The following ELL2 variants were observed in gnomAD, a reference collection of about 807,000 sequenced individuals.
The protein encoded by ELL2 is RNA polymerase II elongation factor ELL2.
In ELL2, 21 loss-of-function variants were observed where a neutral mutation model predicts 72.8. The ratio of observed to expected loss-of-function variants is 0.29; its 90% CI spans 0.20 to 0.42. The LOEUF (loss-of-function observed/expected upper bound fraction) is 0.42. Among genes scored for constraint, ELL2 ranks in the 10% least tolerant of loss-of-function variants. The pLI is 1.00. For synonymous variants in ELL2, 266 were observed against 283.2 expected (o/e 0.94, Z 0.61); for missense variants, 568 against 772.8 (o/e 0.73, Z 3.14).
At chr5:95,960,377 A>G (rs1318085066) in intron 1 of ELL2, among the ~76,000 whole-genome samples, 3 of 147,852 alleles carry the variant, frequency 2.0e-5, no homozygotes, top group African/African-American at 5.0e-5. Context: ...CTGTTTCCCC[A>G]TGCACCCTGG....
rs199699795 is a variant in ELL2, at chr5:95,888,996, GAA to G, written c.1807-11_1807-10del. The G allele has an allele frequency of 0.055, 64,791 of 1,171,254 alleles. 101 individuals carry two copies. Among genetic ancestry groups the G allele is most frequent in the Admixed American group, 0.12 (3,724 of 31,368 alleles). 72.6% of individuals were successfully genotyped at this position (1,171,254 alleles called of 1,614,324 possible). On this transcript the variant is annotated splice_polypyrimidine_tract_variant and intron_variant, in intron 11 of 11. Transcript: ENST00000237853. ...TGGTAATTGGGACTAGACTGCAGAT[GAA>G]AAAAAAAAAAAAAAAAGAGGAATGA...
At position 95,886,544 on chromosome 5, in the gene ELL2, G is replaced by T. The variant is rs1385865390; in HGVS notation, c.*2327C>A. ...CCAATGGCTAACCATTCACCAACTG[G>T]AAGGCTTGTTTGTAAACAGGTTCTG... On this transcript the variant is annotated 3_prime_UTR_variant, in exon 12 of 12. Coordinates refer to ENST00000237853, the MANE Select transcript of ELL2 (RefSeq NM_012081.6). The T allele has an allele frequency of 6.6e-6, 1 of 151,992 alleles. No individual in the cohort carries two copies. The highest frequency in any genetic ancestry group is 1.5e-5 in the Non-Finnish European group (1 of 68,002). 9.4% of individuals were successfully genotyped at this position (151,992 alleles called of 1,614,324 possible).
At chr5:95,900,827 G>A in intron 6 of ELL2, 47 bp from the exon 7 acceptor site, 1 of 1,567,422 alleles carries the variant, frequency 6.4e-7, no homozygotes. Flanking sequence ...ATTTAAAAAT[G>A]TTCATGATAG....
Position 95,895,514 on chromosome 5 carries a change from C to T in ELL2, c.1589+114G>A, listed in dbSNP as rs913507039. On this transcript the variant is annotated intron_variant, in intron 9 of 11. Transcript: ENST00000237853. ...CAGCCTTTCAATTGCAAGGGTGGCT[C>T]CAGGACTCTATTTCTGGAACTTCTT... is the stretch of plus-strand genomic sequence containing the variant. 7.4e-6 allele frequency: 7 copies of T among 940,432 alleles called. No individual in the cohort carries two copies. In the Admixed American group the frequency reaches 1.0e-4, roughly 14 times the overall value. 58.3% of individuals were successfully genotyped at this position (940,432 alleles called of 1,614,324 possible).
intron 5 of ELL2, among the ~76,000 whole-genome samples, chr5:95,906,078 G>C (rs1471361896): frequency 6.6e-6 from 1 of 152,120 alleles, no homozygotes; most frequent in African/African-American, 2.4e-5. Context: ...AGAGTAATAA[G>C]GGCAGCACAA....
chr5:95,942,806 T>C (rs1751017029), intron 2 of ELL2, 196 bp downstream of exon 2: 2 of 354,052 alleles, frequency 5.6e-6, no homozygotes. Flanking sequence ...AATAACCATA[T>C]ATGAATTTTT....
chr5:95,898,033 T>C (rs919227579), intron 8 of ELL2, among the ~76,000 whole-genome samples: 5 of 145,412 alleles, frequency 3.4e-5, no homozygotes, highest in Non-Finnish European at 3.0e-5. Context: ...TTCTTATTAA[T>C]ATAGAAATCA....
Position 95,898,298 on chromosome 5 carries a change from A to T in ELL2, c.1467T>A (p.Asp489Glu), listed in dbSNP as rs200730667. 1 of 1,612,698 alleles carries T rather than the reference A, an allele frequency of 6.2e-7. No individual in the cohort carries two copies. The highest frequency in any genetic ancestry group is 1.1e-5 in the South Asian group (1 of 90,686). The change falls in exon 8 of 12, where the codon GAT becomes GAA. Residue 489 changes from aspartate (D) to glutamate (E), a missense_variant. Asp to Glu is a conservative substitution (Grantham distance 45, BLOSUM62 2). Around this residue, in one of 2 missense-constraint regions of ELL2, gnomAD observed 511 missense variants for 728.4 expected, o/e 0.70. Transcript: ENST00000237853. ...DIETIEEKEE[D>E]LKREEEIAKL... ...TGGCAATTTCCTCTTCTCTCTTAAG[A>T]TCTTCCTCCTTTTCCTCAATAGTCT... is the stretch of plus-strand genomic sequence containing the variant.
intron 1 of ELL2, among the ~76,000 whole-genome samples, chr5:95,958,235 T>C (rs1751690424): frequency 6.6e-6 from 1 of 152,206 alleles, no homozygotes. Context: ...AGCCAATCCA[T>C]GTGAACATGT....
chr5:95,889,054 C>T (rs749229622), intron 11 of ELL2, 32 bp downstream of exon 11: 41 of 1,593,972 alleles, frequency 2.6e-5, no homozygotes, highest in Non-Finnish European at 3.4e-5. Context: ...TTTTCAACCA[C>T]AGGTCAGAAA....
chr5:95,921,055 T>C (rs192113457), intron 2 of ELL2, among the ~76,000 whole-genome samples: 36 of 151,430 alleles, frequency 2.4e-4, no homozygotes, highest in African/African-American at 8.5e-4. Context: ...AATCTAAAAG[T>C]CTCCCAAACC....
chr5:95,922,069 G>T (rs889344166), intron 2 of ELL2, among the ~76,000 whole-genome samples: 1 of 136,718 alleles, frequency 7.3e-6, no homozygotes, highest in South Asian at 2.4e-4. Flanking sequence ...ACTCTAAATT[G>T]CATTTTTTTT....
intron 4 of ELL2, among the ~76,000 whole-genome samples, chr5:95,911,113 A>G (rs1749575644): frequency 1.3e-5 from 2 of 152,218 alleles, no homozygotes; most frequent in Admixed American, 1.3e-4. Flanking sequence ...ATTTTAAAGA[A>G]CTGGATGAAT....
At chr5:95,958,136 G>A (rs1399989572) in intron 1 of ELL2, among the ~76,000 whole-genome samples, 2 of 152,172 alleles carry the variant, frequency 1.3e-5, no homozygotes, top group African/African-American at 4.8e-5. Context: ...ATGAGTACAG[G>A]AATGGTGGCG....
chr5:95,890,132 T>C (rs1389091673), intron 10 of ELL2, among the ~76,000 whole-genome samples: 1 of 152,188 alleles, frequency 6.6e-6, no homozygotes, highest in Non-Finnish European at 1.5e-5. Flanking sequence ...TATAATTATA[T>C]ACATTGATAA....
At chr5:95,910,802 C>T (rs1056631894) in intron 4 of ELL2, among the ~76,000 whole-genome samples, 2 of 152,034 alleles carry the variant, frequency 1.3e-5, no homozygotes, top group African/African-American at 2.4e-5. Flanking sequence ...GCAGGTACCT[C>T]GAAGCTGGCA....
chr5:95,907,736 AGCCCCAATTCTAT>A (rs369439729), intron 4 of ELL2, among the ~76,000 whole-genome samples: 194 of 152,322 alleles, frequency 1.3e-3, no homozygotes, highest in African/African-American at 4.6e-3. Context: ...GGACACACTA[AGCCCCAATTCTAT>A]GCCCTCTGGT....
rs1748512295 is a variant in ELL2, at chr5:95,887,766, T to C, written c.*1105A>G. On this transcript the variant is annotated 3_prime_UTR_variant, in exon 12 of 12. Coordinates refer to ENST00000237853, the MANE Select transcript of ELL2 (RefSeq NM_012081.6). The stretch of plus-strand genomic sequence containing the variant: ...TTAAATATACCTCTTATGTAGGTAA[T>C]AGCTTCTTTGCATATCTCTCTTCAA... 6.6e-6 allele frequency: 1 copy of C among 152,584 alleles called. No homozygotes were observed. 9.5% of individuals were successfully genotyped at this position (152,584 alleles called of 1,614,324 possible).
rs539286495 is a variant in ELL2 at position 95,908,802 on chromosome 5, T to C, written c.482-2020A>G. ...AAAATGCTATAAATTCCACACTCCC[T>C]CCCCCTTAACAAGTCTTGCAAAAAA... On this transcript the variant is annotated intron_variant, in intron 4 of 11. Coordinates refer to ENST00000237853, the MANE Select transcript of ELL2 (RefSeq NM_012081.6). Among the ~76,000 whole-genome samples the C allele has an allele frequency of 2.4e-4, 37 of 152,154 alleles. No individual in the cohort carries two copies. In the South Asian group the frequency reaches 7.3e-3, roughly 30 times the overall value.
Sources: allele counts gnomAD v4.1 joint callset (sites outside exome capture counted in the v4.1 genomes callset), GRCh38; gene constraint gnomAD v4.1.1; regional missense constraint gnomAD v4.1.1; transcripts MANE v1.5; gene names NCBI Gene and HGNC (gene_info 2026-07-23, HGNC 2026-07-21).